Variants in KRT86 observed in about 807,000 individuals in gnomAD.
KRT86 encodes the protein keratin, type II cuticular Hb6.
Under a neutral mutation model 41.2 loss-of-function variants are expected in KRT86, and 30 were observed. The ratio of observed to expected loss-of-function variants is 0.73; its 90% CI spans 0.54 to 0.99. The LOEUF (loss-of-function observed/expected upper bound fraction) is 0.99. KRT86 is among the 50% of genes least tolerant of loss of function. KRT86 has a pLI of 0.00. For missense variants in KRT86, 561 were observed against 571.4 expected (o/e 0.98, Z 0.19); for synonymous variants, 238 against 238.1 (o/e 1.00, Z 0.00).
chr12:52,287,356 G>A (rs1453009889), intron 2 of KRT86: 1 of 1,612,464 alleles, frequency 6.2e-7, no homozygotes, highest in African/African-American at 1.3e-5. Flanking sequence ...GTAGATTAGA[G>A]TCCCTGGGTC....
intron 2 of KRT86, chr12:52,291,589 T>C: frequency 6.9e-7 from 1 of 1,452,076 alleles, no homozygotes; most frequent in African/African-American, 1.4e-5. Flanking sequence ...GGGGCTTGGC[T>C]GTGAAGATGA....
chr12:52,287,562 G>A (rs775234256), intron 2 of KRT86: 7 of 1,613,750 alleles, frequency 4.3e-6, no homozygotes, highest in Non-Finnish European at 5.9e-6. Flanking sequence ...TTAGGCCCTC[G>A]GTCTCTCTGA....
rs1171070207 is a variant in KRT86, at chr12:52,301,980, C to A, written c.64C>A (p.Pro22Thr). ...CTGCATCTCGGCCTGCGGGCCCCGG[C>A]CCGGCCGCTGCTGCATCACCGCCGC... ...FSCISACGPR[P>T]GRCCITAAPY... Residue 22 changes from proline to threonine, a missense_variant, in exon 3 of 11, where the codon CCC (proline) becomes ACC (threonine). Pro to Thr is a conservative substitution (Grantham distance 38). This residue lies in a region of KRT86 where 164 missense variants were observed against 172.5 expected (regional missense o/e 0.95). Transcript: ENST00000423955. The A allele has an allele frequency of 3.1e-6, 5 of 1,613,388 alleles. No homozygotes were observed. Among genetic ancestry groups the A allele is most frequent in the Non-Finnish European group, 4.2e-6 (5 of 1,179,702 alleles).
In KRT86 at chr12:52,287,127, G is replaced by A. The variant is rs771393943; in HGVS notation, c.-5+11181G>A. ...CTCTGCTCCTCGCCCTCCAGCAGGCGCCTGTAGGTGGCGATCTCGATGTCC... is the reference window on the plus strand; with the variant it reads ...CTCTGCTCCTCGCCCTCCAGCAGGCACCTGTAGGTGGCGATCTCGATGTCC... On this transcript the variant is annotated intron_variant, in intron 2 of 10. Coordinates refer to ENST00000423955, the MANE Select transcript of KRT86 (RefSeq NM_001320198.2). 130 of 1,613,220 alleles carry A rather than the reference G, an allele frequency of 8.1e-5. 2 individuals are homozygous for A. In the Middle Eastern group the frequency reaches 2.6e-3, roughly 33 times the overall value.
chr12:52,299,453 T>C (rs1938322865), intron 2 of KRT86, among the ~76,000 whole-genome samples: 2 of 152,234 alleles, frequency 1.3e-5, no homozygotes, highest in African/African-American at 4.8e-5. Context: ...TTCTTTTGGA[T>C]GTATACCTAG....
intron 2 of KRT86, chr12:52,287,549 T>C (rs772894277): frequency 3.7e-6 from 6 of 1,613,738 alleles, no homozygotes; most frequent in Non-Finnish European, 5.1e-6. Context: ...TGTGTGACAA[T>C]GGTTAGGCCC....
chr12:52,300,302 T>C (rs926453010), intron 2 of KRT86, among the ~76,000 whole-genome samples: 5 of 152,252 alleles, frequency 3.3e-5, no homozygotes, highest in African/African-American at 1.2e-4. Context: ...TTCTACTCTA[T>C]TTGATTTTCT....
chr12:52,307,583 C>A (rs568498194), intron 9 of KRT86, among the ~76,000 whole-genome samples: 1 of 152,312 alleles, frequency 6.6e-6, no homozygotes, highest in Admixed American at 6.5e-5. Context: ...GGGGTGACAG[C>A]CCTGCCTTGT....
At chr12:52,287,043 G>T (rs1937966354) in intron 2 of KRT86, 3 of 1,612,108 alleles carry the variant, frequency 1.9e-6, no homozygotes, top group East Asian at 4.5e-5. Flanking sequence ...CAAGGCCAAG[G>T]GTAGGCTTGT....
chr12:52,286,935 G>T, intron 2 of KRT86: 1 of 1,530,540 alleles, frequency 6.5e-7, no homozygotes, highest in Non-Finnish European at 9.0e-7. Context: ...AGAGTCTGAG[G>T]GAACAGCTTG....
rs201454353 is a variant in KRT86 at position 52,287,304 on chromosome 12, C to T, written c.-5+11358C>T. The T allele has an allele frequency of 3.1e-4, 501 of 1,614,030 alleles. 4 individuals carry two copies. The highest frequency in any genetic ancestry group is 2.5e-3 in the Middle Eastern group (15 of 6,026). ...CCCTGCTGCTCAGACTGGGCCACCG[C>T]GGCCTCCAGCTTGGAGTTCTGAAGA... is the stretch of plus-strand genomic sequence containing the variant. On this transcript the variant is annotated intron_variant, in intron 2 of 10. Transcript: ENST00000423955.
intron 2 of KRT86, among the ~76,000 whole-genome samples, chr12:52,296,785 T>C (rs1282664308): frequency 1.3e-5 from 2 of 152,210 alleles, no homozygotes; most frequent in Non-Finnish European, 2.9e-5. Context: ...GACCCTGGCC[T>C]GCACCTGCTT....
rs780785303 is a variant in KRT86, at chr12:52,305,360, G to T, written c.856G>T (p.Val286Phe). Residue 286 changes from valine (V) to phenylalanine (F), a missense_variant, in exon 7 of 11, where the codon GTC (valine) becomes TTC (phenylalanine). Physicochemically the swap from Val to Phe is conservative, Grantham distance 50. Transcript: ENST00000423955. Reference protein sequence around the residue: ...AEIKAQYDDIVTRSRAEAESW... With the variant: ...AEIKAQYDDIFTRSRAEAESW... ...GATCAAGGCACAGTACGATGACATT[G>T]TCACCCGTAGCCGGGCTGAGGCCGA... The T allele has an allele frequency of 1.7e-5, 28 of 1,614,120 alleles. No individual in the cohort carries two copies. The Middle Eastern group carries it at 6.6e-4, about 38-fold the overall frequency.
chr12:52,305,229 A>C lies in KRT86; in HGVS notation c.736-11A>C. On this transcript the variant is annotated splice_polypyrimidine_tract_variant and intron_variant, in intron 6 of 10. Coordinates refer to ENST00000423955, the MANE Select transcript of KRT86 (RefSeq NM_001320198.2). ...GTTCTCAACTAAAGTCACTGCCCTC[A>C]CCTCCTGCAGGAGATCCGCGTTCTC... 1.9e-6 allele frequency: 3 copies of C among 1,614,088 alleles called. No individual in the cohort carries two copies. The highest frequency in any genetic ancestry group is 1.7e-6 in the Non-Finnish European group (2 of 1,180,010).
rs1429041253 is a variant in KRT86 at position 52,308,535 on chromosome 12, G to A, written c.1411G>A (p.Ala471Thr). 1.9e-6 allele frequency: 3 copies of A among 1,601,942 alleles called. No individual in the cohort carries two copies. The highest frequency in any genetic ancestry group is 1.1e-5 in the South Asian group (1 of 91,084). The change falls in exon 11 of 11, where the codon GCC becomes ACC. Residue 471 changes from alanine to threonine, a missense_variant. Physicochemically the swap from Ala to Thr is moderately conservative, Grantham distance 58 (BLOSUM62 0). Transcript: ENST00000423955. ...GGTGGTGGGCACTACTAACGCCTGCGCCCCCTCCGCCCGGGTTGGCGTCTG... is the reference window on the plus strand; with the variant it reads ...GGTGGTGGGCACTACTAACGCCTGCACCCCCTCCGCCCGGGTTGGCGTCTG... Reference protein sequence around the residue: ...NVVVGTTNACAPSARVGVCGG... With the variant: ...NVVVGTTNACTPSARVGVCGG...
intron 2 of KRT86, chr12:52,287,800 T>G: frequency 6.2e-7 from 1 of 1,612,810 alleles, no homozygotes. Flanking sequence ...ATTTTGCAGG[T>G]TGTACAGTGC....
At chr12:52,284,126 A>T (rs113454026) in intron 2 of KRT86, among the ~76,000 whole-genome samples, 7 of 152,106 alleles carry the variant, frequency 4.6e-5, no homozygotes, top group Non-Finnish European at 1.0e-4. Context: ...CTAGGGAGGG[A>T]TGGAGCTGGT....
rs147886632 is a variant in KRT86 at position 52,288,434 on chromosome 12, C to T, written c.-5+12488C>T. ...CACGTTGGCCTCCAGGTCTGACTTGCGGAGGTAGGCGCAGTCCACATCCTG... is the reference window on the plus strand; with the variant it reads ...CACGTTGGCCTCCAGGTCTGACTTGTGGAGGTAGGCGCAGTCCACATCCTG... On this transcript the variant is annotated intron_variant, in intron 2 of 10. Coordinates refer to ENST00000423955, the MANE Select transcript of KRT86 (RefSeq NM_001320198.2). The T allele has an allele frequency of 5.5e-4, 893 of 1,614,138 alleles. 9 individuals carry two copies. The African/African-American group carries it at 9.1e-3, about 17-fold the overall frequency.
At chr12:52,307,365 A>C (rs199791390) in intron 9 of KRT86, among the ~76,000 whole-genome samples, 4 of 152,354 alleles carry the variant, frequency 2.6e-5, no homozygotes, top group East Asian at 1.9e-4. Flanking sequence ...CTCCTCCATC[A>C]CACGGGGCTC....
Sources: gnomAD v4.1 joint callset for allele counts (sites outside exome capture counted in the v4.1 genomes callset) on GRCh38, gnomAD v4.1.1 for gene constraint, gnomAD v4.1.1 regional missense constraint, MANE v1.5 for transcripts, NCBI Gene and HGNC (gene_info 2026-07-23, HGNC 2026-07-21) for gene names.